CTNNA2: variants seen among roughly 807,000 people sequenced by gnomAD.
The protein encoded by CTNNA2 is catenin alpha-2.
CTNNA2 carries 42 observed loss-of-function variants against 101.0 expected under a neutral mutation model. The ratio of observed to expected loss-of-function variants is 0.42; its 90% CI spans 0.32 to 0.54. The LOEUF is 0.54. Among genes scored for constraint, CTNNA2 ranks in the 20% least tolerant of loss-of-function variants. The pLI, the probability that CTNNA2 is intolerant of heterozygous loss-of-function variation, is 0.14. For synonymous variants in CTNNA2, 450 were observed against 456.4 expected (o/e 0.99, Z 0.18); for missense variants, 871 against 1,223.1 (o/e 0.71, Z 4.29).
chr2:80,393,375 G>C, intron 8 of CTNNA2, 84 bp downstream of exon 8: 1 of 947,808 alleles, frequency 1.1e-6, no homozygotes. Context: ...TCTTCTTGGA[G>C]ATGACAATGA....
intron 9 of CTNNA2, among the ~76,000 whole-genome samples, chr2:80,536,722 C>G (rs973497443): frequency 1.3e-5 from 2 of 152,186 alleles, no homozygotes; most frequent in African/African-American, 4.8e-5. Flanking sequence ...TGAAGCTCAG[C>G]CTTCCAGGCA....
chr2:80,231,595 T>C (rs897807251), intron 7 of CTNNA2, among the ~76,000 whole-genome samples: 3 of 152,176 alleles, frequency 2.0e-5, no homozygotes, highest in Admixed American at 6.5e-5. Flanking sequence ...CATTATACTT[T>C]CCTCCTCTTG....
At chr2:79,575,037 C>G (rs1479624184) in intron 1 of CTNNA2, among the ~76,000 whole-genome samples, 4 of 152,022 alleles carry the variant, frequency 2.6e-5, no homozygotes, top group Admixed American at 6.6e-5. Flanking sequence ...TGGTTCGTGT[C>G]CTTTGCCCAC....
chr2:80,579,882 G>A (rs1356848647), intron 13 of CTNNA2, among the ~76,000 whole-genome samples: 1 of 152,186 alleles, frequency 6.6e-6, no homozygotes. Flanking sequence ...CTTTTGGATG[G>A]GGAATGGGCA....
At chr2:79,378,097 T>G (rs1677999411) in intron 4 of CTNNA2, among the ~76,000 whole-genome samples, 1 of 152,212 alleles carries the variant, frequency 6.6e-6, no homozygotes, top group African/African-American at 2.4e-5. Flanking sequence ...ATTGGCAATT[T>G]TTTTCATCAT....
At chr2:79,479,064 A>G (rs1179087023) in intron 4 of CTNNA2, among the ~76,000 whole-genome samples, 6 of 152,244 alleles carry the variant, frequency 3.9e-5, no homozygotes, top group South Asian at 2.1e-4. Flanking sequence ...TTTTGATAGT[A>G]AGAATTCATG....
intron 2 of CTNNA2, among the ~76,000 whole-genome samples, chr2:79,728,403 T>C (rs1201646118): frequency 6.6e-6 from 1 of 152,250 alleles, no homozygotes; most frequent in Non-Finnish European, 1.5e-5. Context: ...GTTGATATCC[T>C]TCACCCACTT....
chr2:79,312,722 G>C (rs1676409571), exon 3 of CTNNA2: 1 of 152,158 alleles, frequency 6.6e-6, no homozygotes, highest in African/African-American at 2.4e-5. Context: ...AAAATATACA[G>C]CTGGATGTTT....
At chr2:80,373,123 A>G (rs1194278930) in intron 7 of CTNNA2, among the ~76,000 whole-genome samples, 2 of 152,170 alleles carry the variant, frequency 1.3e-5, no homozygotes, top group African/African-American at 4.8e-5. Flanking sequence ...TAATTAGTGG[A>G]GTGGAAGAAT....
In CTNNA2 at chr2:80,302,236, G is replaced by A. The variant is rs200446467; in HGVS notation, c.1057-90975G>A. The A allele has an allele frequency of 9.1e-5, 147 of 1,607,398 alleles. No homozygotes were observed. In the African/African-American group the frequency reaches 1.9e-3, roughly 21 times the overall value. Reference sequence around the variant, plus strand: ...GCGTATTTGGTAGCGCATGGGTTGAGAGCCACTGGGACAATCACACCTCGC... The same window carrying A: ...GCGTATTTGGTAGCGCATGGGTTGAAAGCCACTGGGACAATCACACCTCGC... On this transcript the variant is annotated intron_variant, in intron 7 of 18. Coordinates refer to ENST00000402739, the MANE Select transcript of CTNNA2 (RefSeq NM_001282597.3). This position sits in a 1 kb window ranked among gnomAD's most constrained non-coding sequence, Gnocchi z 6.4.
intron 4 of CTNNA2, among the ~76,000 whole-genome samples, chr2:79,380,408 T>G (rs1264913384): frequency 1.3e-5 from 2 of 150,702 alleles, no homozygotes; most frequent in African/African-American, 4.9e-5. Flanking sequence ...TTTATGAATT[T>G]GGCAAACATT....
intron 2 of CTNNA2, among the ~76,000 whole-genome samples, chr2:79,255,615 G>A (rs935108361): frequency 1.3e-5 from 2 of 152,180 alleles, no homozygotes; most frequent in Non-Finnish European, 2.9e-5. Flanking sequence ...TAAAAGACTG[G>A]AACATAGCAA....
chr2:80,572,972 T>G (rs1694733122), intron 12 of CTNNA2: 1 of 152,198 alleles, frequency 6.6e-6, no homozygotes, highest in Non-Finnish European at 1.5e-5. Flanking sequence ...CAGGAATGTT[T>G]TATCTTGAAT....
At chr2:80,550,631 C>T (rs1272270207) in intron 11 of CTNNA2, among the ~76,000 whole-genome samples, 2 of 152,210 alleles carry the variant, frequency 1.3e-5, no homozygotes, top group African/African-American at 2.4e-5. Context: ...GGATAGATTA[C>T]ATCTCAAGAA....
At chr2:79,693,426 C>G (rs984135730) in intron 2 of CTNNA2, among the ~76,000 whole-genome samples, 2 of 151,990 alleles carry the variant, frequency 1.3e-5, no homozygotes, top group Non-Finnish European at 2.9e-5. Context: ...TGCTTCATGA[C>G]ATACCTATTC....
intron 7 of CTNNA2, among the ~76,000 whole-genome samples, chr2:80,150,460 C>T (rs1293130705): frequency 1.3e-5 from 2 of 152,290 alleles, no homozygotes; most frequent in East Asian, 3.9e-4. Context: ...ACTGAGGCTT[C>T]TGGGGCAGAT....
chr2:80,179,499 G>A (rs1490426652), intron 7 of CTNNA2, among the ~76,000 whole-genome samples: 2 of 151,952 alleles, frequency 1.3e-5, no homozygotes, highest in South Asian at 2.1e-4. Flanking sequence ...TCAGCCTCCC[G>A]AATAGCTGGG....
intron 2 of CTNNA2, among the ~76,000 whole-genome samples, chr2:79,270,193 G>A (rs1015044514): frequency 6.6e-6 from 1 of 151,992 alleles, no homozygotes; most frequent in South Asian, 2.1e-4. Flanking sequence ...CTTAAAAAGG[G>A]TAAATTTTGA....
chr2:79,432,462 T>C lies in CTNNA2; in HGVS notation c.-135+58449T>C, dbSNP rs563213727. Among the ~76,000 whole-genome samples the C allele has an allele frequency of 3.3e-5, 5 of 152,346 alleles. No individual in the cohort carries two copies. The South Asian group carries it at 1.0e-3, about 32-fold the overall frequency. On this transcript the variant is annotated intron_variant, in intron 4 of 21. Transcript: ENST00000466387. ...TATTTGTAATTATCTAGATTTATGT[T>C]ATTCCTTCTTTTTCTTCTAGTTTTT...
Sources: allele counts gnomAD v4.1 joint callset (sites outside exome capture counted in the v4.1 genomes callset), GRCh38; gene constraint gnomAD v4.1.1; non-coding constraint Gnocchi (gnomAD v3.1); transcripts MANE v1.5; gene names NCBI Gene and HGNC (gene_info 2026-07-23, HGNC 2026-07-21).